Variants in GRIP1 observed in about 807,000 individuals in gnomAD.
GRIP1 encodes glutamate receptor-interacting protein 1.
Under a neutral mutation model 129.9 loss-of-function variants are expected in GRIP1, and 45 were observed. The observed-to-expected ratio is 0.35, with a 90% CI of 0.27 to 0.44. The LOEUF is 0.44. GRIP1 is among the 20% of genes least tolerant of loss of function. The pLI is 1.00. For synonymous variants in GRIP1, 530 were observed against 520.8 expected (o/e 1.02, Z -0.24); for missense variants, 1,196 against 1,396.8 (o/e 0.86, Z 2.29).
chr12:66,855,833 A>G (rs1222080578), intron 1 of GRIP1, among the ~76,000 whole-genome samples: 2 of 152,054 alleles, frequency 1.3e-5, no homozygotes, highest in East Asian at 3.9e-4. Flanking sequence ...ATATTCTTTT[A>G]TTGTTCCTAT....
At chr12:66,637,765 T>C (rs1240261670) in intron 1 of GRIP1, among the ~76,000 whole-genome samples, 3 of 152,282 alleles carry the variant, frequency 2.0e-5, no homozygotes, top group East Asian at 1.9e-4. Flanking sequence ...TTTTCCAGCA[T>C]ATCTGTCTAT....
At chr12:66,797,184 A>C (rs1459861330) in intron 1 of GRIP1, among the ~76,000 whole-genome samples, 3 of 152,188 alleles carry the variant, frequency 2.0e-5, no homozygotes, top group Non-Finnish European at 4.4e-5. Context: ...CATCATGGTG[A>C]ATGATCTGGT....
At chr12:66,970,613 GTGTC>G (rs78156908) in intron 1 of GRIP1, among the ~76,000 whole-genome samples, 54,545 of 147,662 alleles carry the variant, frequency 0.37, 10,352 homozygotes, top group East Asian at 0.55. Context: ...TGGCCAGCCA[GTGTC>G]TGTCTGCATC....
At chr12:67,054,913 A>C (rs2043409542) in intron 1 of GRIP1, among the ~76,000 whole-genome samples, 1 of 152,204 alleles carries the variant, frequency 6.6e-6, no homozygotes, top group South Asian at 2.1e-4. Flanking sequence ...AACTGAATAA[A>C]GTACTTCCAG....
rs189185100 is a variant in GRIP1 at position 66,428,006 on chromosome 12, G to A, written c.1768+4542C>T. Among the ~76,000 whole-genome samples the A allele has an allele frequency of 3.5e-4, 53 of 152,276 alleles. No homozygotes were observed. The East Asian group carries it at 8.9e-3, about 26-fold the overall frequency. On this transcript the variant is annotated intron_variant, in intron 14 of 24. Coordinates refer to ENST00000359742, the MANE Select transcript of GRIP1 (RefSeq NM_001366722.1). ...TAAAAACCATCTAGGCCATCAGGGA[G>A]TTCAAGTCTTAAGCATTAGTTGCCC...
At chr12:66,914,151 G>A (rs548970078) in intron 1 of GRIP1, among the ~76,000 whole-genome samples, 8 of 152,242 alleles carry the variant, frequency 5.3e-5, no homozygotes, top group South Asian at 4.1e-4. Flanking sequence ...CTTTTCTCAC[G>A]TGCAAATAGC....
intron 1 of GRIP1, among the ~76,000 whole-genome samples, chr12:66,901,593 C>T (rs1256989998): frequency 1.3e-5 from 2 of 152,306 alleles, no homozygotes; most frequent in East Asian, 1.9e-4. Flanking sequence ...AATAAAAGCC[C>T]TTCAATTCAA....
upstream of GRIP1, among the ~76,000 whole-genome samples, chr12:66,683,677 A>G (rs1378232717): frequency 6.6e-6 from 1 of 152,178 alleles, no homozygotes; most frequent in East Asian, 1.9e-4. Context: ...TTGCTTATCT[A>G]GGCAGGGCTC....
At chr12:66,401,393 C>A (rs2056981705) in intron 16 of GRIP1, among the ~76,000 whole-genome samples, 1 of 151,776 alleles carries the variant, frequency 6.6e-6, no homozygotes, top group Non-Finnish European at 1.5e-5. Context: ...GCCTGCCCAA[C>A]ATGGCAAAAC....
chr12:66,838,779 A>G (rs1477957627), intron 1 of GRIP1, among the ~76,000 whole-genome samples: 1 of 152,180 alleles, frequency 6.6e-6, no homozygotes, highest in African/African-American at 2.4e-5. Context: ...GGAAGAGGTT[A>G]AAAACAAGAA....
At chr12:66,972,509 CTAT>C (rs1252155925) in intron 1 of GRIP1, among the ~76,000 whole-genome samples, 1 of 152,182 alleles carries the variant, frequency 6.6e-6, no homozygotes, top group Non-Finnish European at 1.5e-5. Context: ...AATGTGCCTA[CTAT>C]GAGTGGAAAG....
At chr12:66,808,842 T>C (rs1002996675), upstream of GRIP1, among the ~76,000 whole-genome samples, 1 of 104,700 alleles carries the variant, frequency 9.6e-6, no homozygotes, top group Non-Finnish European at 2.0e-5. Context: ...ACCTGGCCCC[T>C]GCAGGCATAA....
chr12:66,493,841 C>T (rs2060168144), intron 7 of GRIP1, among the ~76,000 whole-genome samples: 1 of 152,190 alleles, frequency 6.6e-6, no homozygotes. Context: ...TGAACACAGA[C>T]TCTAAATTGG....
intron 1 of GRIP1, among the ~76,000 whole-genome samples, chr12:66,827,885 G>T (rs1012924414): frequency 3.9e-5 from 6 of 152,102 alleles, no homozygotes; most frequent in Non-Finnish European, 5.9e-5. Context: ...TGCTTATAGG[G>T]CCACTACCGA....
At chr12:66,837,117 T>C (rs920565796) in intron 1 of GRIP1, among the ~76,000 whole-genome samples, 2 of 152,244 alleles carry the variant, frequency 1.3e-5, no homozygotes, top group African/African-American at 4.8e-5. Context: ...TGCTCATGGC[T>C]TTTCTCTTTC....
intron 2 of GRIP1, among the ~76,000 whole-genome samples, chr12:66,561,333 T>G (rs1352057526): frequency 6.6e-6 from 1 of 152,100 alleles, no homozygotes; most frequent in Non-Finnish European, 1.5e-5. Flanking sequence ...AAGAGTATAA[T>G]TGGATTGTTT....
chr12:66,576,742 A>G (rs1415930352), intron 2 of GRIP1, among the ~76,000 whole-genome samples: 1 of 152,198 alleles, frequency 6.6e-6, no homozygotes, highest in Non-Finnish European at 1.5e-5. Context: ...CTCTTCTCAA[A>G]CATTACTGGC....
intron 2 of GRIP1, among the ~76,000 whole-genome samples, chr12:66,583,201 C>T (rs1251354366): frequency 1.3e-5 from 2 of 150,800 alleles, no homozygotes; most frequent in Non-Finnish European, 3.0e-5. Context: ...ACTGGCTAGC[C>T]ATATGTAGAA....
chr12:66,952,618 G>A (rs561126262), intron 1 of GRIP1, among the ~76,000 whole-genome samples: 29 of 152,132 alleles, frequency 1.9e-4, no homozygotes, highest in South Asian at 4.1e-4. Flanking sequence ...TGGTAAAACA[G>A]GACTTAAGAA....
Sources: allele counts gnomAD v4.1 joint callset (sites outside exome capture counted in the v4.1 genomes callset), GRCh38; gene constraint gnomAD v4.1.1; transcripts MANE v1.5; gene names NCBI Gene and HGNC (gene_info 2026-07-23, HGNC 2026-07-21).